Variants in HDAC9 observed in about 807,000 individuals in gnomAD.
HDAC9 encodes the protein histone deacetylase 9.
Under a neutral mutation model 139.4 loss-of-function variants are expected in HDAC9, and 41 were observed. The observed-to-expected ratio is 0.29, with a 90% CI of 0.23 to 0.38. HDAC9 has a LOEUF of 0.38. HDAC9 is among the 10% of genes least tolerant of loss of function. HDAC9 has a pLI of 1.00. For missense variants in HDAC9, 1,147 were observed against 1,297.0 expected (o/e 0.88, Z 1.78); for synonymous variants, 517 against 476.2 (o/e 1.09, Z -1.12).
chr7:18,296,046 A>G (rs182164860), intron 1 of HDAC9, among the ~76,000 whole-genome samples: 7 of 152,238 alleles, frequency 4.6e-5, no homozygotes, highest in Non-Finnish European at 8.8e-5. Flanking sequence ...TTCATGGTCT[A>G]CCAGTAGGTT....
intron 2 of HDAC9, among the ~76,000 whole-genome samples, chr7:18,183,634 A>G (rs1240705756): frequency 6.6e-6 from 1 of 152,150 alleles, no homozygotes; most frequent in East Asian, 1.9e-4. Flanking sequence ...CATTTTAAAC[A>G]GTTTCTTTAA....
chr7:18,183,006 A>T (rs986243872), intron 2 of HDAC9, among the ~76,000 whole-genome samples: 2 of 145,652 alleles, frequency 1.4e-5, no homozygotes, highest in Admixed American at 6.9e-5. Context: ...GTCACTTAAC[A>T]TATGATTTTT....
chr7:18,154,926 G>T (rs986230651), intron 1 of HDAC9, among the ~76,000 whole-genome samples: 11 of 152,180 alleles, frequency 7.2e-5, no homozygotes, highest in African/African-American at 2.7e-4. Context: ...TGCAGGGAAG[G>T]TTATAGCGTG....
At chr7:18,934,536 AT>A (rs1483348423) in intron 22 of HDAC9, among the ~76,000 whole-genome samples, 2 of 152,210 alleles carry the variant, frequency 1.3e-5, no homozygotes, top group African/African-American at 2.4e-5. Context: ...GGAAAAGTCT[AT>A]CTGTGTAAAG....
chr7:18,175,593 C>T (rs1961051), intron 2 of HDAC9, among the ~76,000 whole-genome samples: 24,963 of 152,138 alleles, frequency 0.16, 2,533 homozygotes, highest in South Asian at 0.33. Context: ...CATCTTGGAA[C>T]GGACCAGTCC....
intron 6 of HDAC9, among the ~76,000 whole-genome samples, chr7:18,600,950 C>T (rs1833779409): frequency 6.6e-6 from 1 of 152,066 alleles, no homozygotes; most frequent in African/African-American, 2.4e-5. Flanking sequence ...AGCATAGGCA[C>T]ACACCAACAT....
chr7:18,545,379 G>A (rs1347760083), intron 2 of HDAC9, among the ~76,000 whole-genome samples: 1 of 152,076 alleles, frequency 6.6e-6, no homozygotes, highest in Non-Finnish European at 1.5e-5. Context: ...AGTGAGAATG[G>A]CAGTTTCCAA....
rs1356286954 is a variant in HDAC9, at chr7:18,571,427, C to T, written c.23-13854C>T. On this transcript the variant is annotated intron_variant, in intron 2 of 25. Transcript: ENST00000686413. Reference sequence around the variant, plus strand: ...AGCGGAGGAAGTGAGTGGATAGAACCTTGGTTCCTCCTCTCCGTCTTTTCT... The same window carrying T: ...AGCGGAGGAAGTGAGTGGATAGAACTTTGGTTCCTCCTCTCCGTCTTTTCT... 3.3e-5 allele frequency among the ~76,000 whole-genome samples: 5 copies of T among 152,278 alleles called. No individual in the cohort carries two copies. The East Asian group carries it at 9.6e-4, about 29-fold the overall frequency.
chr7:18,547,946 A>G (rs557007205), intron 2 of HDAC9, among the ~76,000 whole-genome samples: 6 of 148,044 alleles, frequency 4.1e-5, no homozygotes, highest in East Asian at 4.0e-4. Flanking sequence ...TGCATTCACA[A>G]TTTTGTGGTT....
chr7:18,555,039 G>T (rs555436995), intron 2 of HDAC9, among the ~76,000 whole-genome samples: 48 of 152,288 alleles, frequency 3.2e-4, no homozygotes, highest in Admixed American at 2.9e-3. Flanking sequence ...TTGTGTAGTT[G>T]TATAGTTGAT....
At chr7:18,186,574 A>G (rs558304071) in intron 2 of HDAC9, among the ~76,000 whole-genome samples, 5 of 152,340 alleles carry the variant, frequency 3.3e-5, no homozygotes, top group Admixed American at 1.3e-4. Context: ...GCTCTTCTGG[A>G]TTAACATGAA....
intron 1 of HDAC9, among the ~76,000 whole-genome samples, chr7:18,091,634 C>G (rs929304546): frequency 6.6e-6 from 1 of 152,098 alleles, no homozygotes; most frequent in Admixed American, 6.5e-5. Context: ...AACACAACAC[C>G]CCTTTATCAT....
chr7:18,588,125 G>A (rs980776773), intron 3 of HDAC9, among the ~76,000 whole-genome samples: 78 of 152,180 alleles, frequency 5.1e-4, no homozygotes, highest in African/African-American at 1.8e-3. Flanking sequence ...GTCCTTCTGG[G>A]AGTAATAAGG....
intron 21 of HDAC9, among the ~76,000 whole-genome samples, chr7:18,838,194 T>C (rs1446654572): frequency 6.6e-6 from 1 of 152,064 alleles, no homozygotes. Flanking sequence ...ACATATTATA[T>C]GCTGGGCACT....
chr7:18,217,753 C>T (rs183879071), intron 2 of HDAC9, among the ~76,000 whole-genome samples: 34 of 152,200 alleles, frequency 2.2e-4, no homozygotes, highest in African/African-American at 7.2e-4. Context: ...ACAAGTTATC[C>T]GTGGATATTT....
chr7:18,976,576 T>C (rs1308542603), intron 25 of HDAC9, among the ~76,000 whole-genome samples: 1 of 152,208 alleles, frequency 6.6e-6, no homozygotes, highest in African/African-American at 2.4e-5. Context: ...TTCTTATGAA[T>C]ATAGATTTCT....
intron 2 of HDAC9, among the ~76,000 whole-genome samples, chr7:18,221,100 C>G (rs558940899): frequency 1.4e-4 from 20 of 142,284 alleles, no homozygotes; most frequent in African/African-American, 5.4e-4. Flanking sequence ...TTTTGCATTT[C>G]TATTCCTTTT....
intron 2 of HDAC9, among the ~76,000 whole-genome samples, chr7:18,190,351 A>C: frequency 6.6e-6 from 1 of 152,264 alleles, no homozygotes; most frequent in East Asian, 1.9e-4. Context: ...ATATGTGTAC[A>C]TAAATGATTA....
At chr7:18,451,401 G>GTGTGTGTGTGTGTA (rs760861605) in intron 1 of HDAC9, among the ~76,000 whole-genome samples, 2 of 135,282 alleles carry the variant, frequency 1.5e-5, no homozygotes, top group Middle Eastern at 3.8e-3. Flanking sequence ...GTGTGTGTGT[G>GTGTGTGTGTGTGTA]TATATATGTG....
Sources: allele counts gnomAD v4.1 joint callset (sites outside exome capture counted in the v4.1 genomes callset), GRCh38; gene constraint gnomAD v4.1.1; transcripts MANE v1.5; gene names NCBI Gene and HGNC (gene_info 2026-07-23, HGNC 2026-07-21).